LRRFIP1: variants seen among roughly 807,000 people sequenced by gnomAD.
LRRFIP1 encodes the protein LRR binding FLII interacting protein 1, also known as leucine-rich repeat flightless-interacting protein 1.
Under a neutral mutation model 104.4 loss-of-function variants are expected in LRRFIP1, and 62 were observed. The observed-to-expected ratio is 0.59, with a 90% CI of 0.48 to 0.73. The LOEUF (loss-of-function observed/expected upper bound fraction) is 0.73. Ranked by LOEUF, LRRFIP1 falls within the 30% of genes least tolerant of loss-of-function variation. The pLI, the probability that LRRFIP1 is intolerant of heterozygous loss-of-function variation, is 0.00. For missense variants in LRRFIP1, 796 were observed against 824.5 expected (o/e 0.97, Z 0.42); for synonymous variants, 300 against 299.0 (o/e 1.00, Z -0.03).
intron 1 of LRRFIP1, among the ~76,000 whole-genome samples, chr2:237,655,399 T>G (rs1246569548): frequency 6.6e-6 from 1 of 151,850 alleles, no homozygotes; most frequent in East Asian, 1.9e-4. Flanking sequence ...CATGAGCCAC[T>G]GCACCCAGCC....
At chr2:237,730,625 T>G (rs6724129) in intron 8 of LRRFIP1, among the ~76,000 whole-genome samples, 19,215 of 152,026 alleles carry the variant, frequency 0.13, 2,785 homozygotes, top group African/African-American at 0.36. Flanking sequence ...TGAACCTTAA[T>G]AAATAGGAAG....
chr2:237,717,880 T>C lies in LRRFIP1; in HGVS notation c.249+71T>C, dbSNP rs1487925641. 5.3e-6 allele frequency: 6 copies of C among 1,139,086 alleles called. No homozygotes were observed. The East Asian group carries it at 1.2e-4, about 22-fold the overall frequency. The allele number at this position is 1,139,086 out of a possible 1,614,324, so 70.6% of individuals were successfully genotyped here. A position where few individuals can be genotyped will look rare whatever the true frequency, so the allele number is the denominator to read the frequency against. On this transcript the variant is annotated intron_variant, in intron 4 of 23. Transcript: ENST00000308482. The surrounding 1 kb of genome is among the most constrained non-coding windows in gnomAD (Gnocchi z 4.2). ...GAATACAGTGTTGAGACTTAAATGG[T>C]TTATAATGTAATTCTTACGCAGTTT... is the stretch of plus-strand genomic sequence containing the variant.
intron 11 of LRRFIP1, among the ~76,000 whole-genome samples, chr2:237,746,279 G>A (rs992351201): frequency 6.6e-6 from 1 of 152,032 alleles, no homozygotes; most frequent in South Asian, 2.1e-4. Flanking sequence ...GGTTGGTCTC[G>A]AACTCCTGAC....
chr2:237,669,796 T>C (rs2090052347), intron 1 of LRRFIP1, among the ~76,000 whole-genome samples: 1 of 149,912 alleles, frequency 6.7e-6, no homozygotes, highest in Admixed American at 6.6e-5. Flanking sequence ...ATGGACCGGC[T>C]GTTCCATGAG....
chr2:237,633,908 T>C (rs1372130103), intron 1 of LRRFIP1, among the ~76,000 whole-genome samples: 1 of 152,204 alleles, frequency 6.6e-6, no homozygotes, highest in African/African-American at 2.4e-5. Context: ...CCCACTGACC[T>C]GTGAACCACC....
chr2:237,690,736 C>CAAAA (rs66463256), intron 1 of LRRFIP1, among the ~76,000 whole-genome samples: 29 of 116,452 alleles, frequency 2.5e-4, no homozygotes, highest in African/African-American at 6.2e-4. Flanking sequence ...GACTCCATCT[C>CAAAA]AAAAAAAAAA....
Position 237,781,248 on chromosome 2 carries a change from G to A in LRRFIP1, c.*1716G>A, listed in dbSNP as rs1361000377. Among the ~76,000 whole-genome samples, 2 of 152,210 alleles carry A rather than the reference G, an allele frequency of 1.3e-5. No individual in the cohort carries two copies. The highest frequency in any genetic ancestry group is 2.9e-5 in the Non-Finnish European group (2 of 68,042). Reference sequence around the variant, plus strand: ...AACACTCACACATCACGCAGACACGGCCGGCAGCATGCTGACGCTTTTAGG... The same window carrying A: ...AACACTCACACATCACGCAGACACGACCGGCAGCATGCTGACGCTTTTAGG... On this transcript the variant is annotated 3_prime_UTR_variant, in exon 24 of 24. Coordinates refer to ENST00000308482, the MANE Select transcript of LRRFIP1 (RefSeq NM_001137550.2).
chr2:237,769,655 TG>T (rs2060456538), intron 19 of LRRFIP1: 1 of 372,218 alleles, frequency 2.7e-6, no homozygotes. Flanking sequence ...CAGCGTGGTT[TG>T]GCCCTAGCGT....
chr2:237,661,299 A>G lies in LRRFIP1; in HGVS notation c.96+33559A>G, dbSNP rs1459006302. Among the ~76,000 whole-genome samples the G allele has an allele frequency of 6.6e-6, 1 of 152,112 alleles. No individual in the cohort carries two copies. Among genetic ancestry groups the G allele is most frequent in the Non-Finnish European group, 1.5e-5 (1 of 68,020 alleles). ...CTGGCTGCTGCTAATTCTGGAGGAC[A>G]CAGTGGGGTGGGCCACATAATGGAG... is the stretch of plus-strand genomic sequence containing the variant. On this transcript the variant is annotated intron_variant, in intron 1 of 23. Coordinates refer to ENST00000308482, the MANE Select transcript of LRRFIP1 (RefSeq NM_001137550.2). The surrounding 1 kb of genome is among the most constrained non-coding windows in gnomAD (Gnocchi z 4.4).
chr2:237,779,563 G>T lies in LRRFIP1; in HGVS notation c.*31G>T. The T allele has an allele frequency of 6.4e-7, 1 of 1,553,608 alleles. No individual in the cohort carries two copies. On this transcript the variant is annotated 3_prime_UTR_variant, in exon 24 of 24. Transcript: ENST00000308482. ...AGCTCTGATCAGGCAACTGGTTGGT[G>T]ACTGGAGAGCATTGTTTCATAGGCT...
At chr2:237,648,708 C>A (rs1280633049) in intron 1 of LRRFIP1, among the ~76,000 whole-genome samples, 3 of 150,914 alleles carry the variant, frequency 2.0e-5, no homozygotes, top group African/African-American at 7.3e-5. Context: ...ACTATCCCCA[C>A]CCACCCCCAG....
intron 14 of LRRFIP1, 29 bp downstream of exon 14, chr2:237,751,300 G>A (rs766805068): frequency 2.7e-5 from 41 of 1,519,544 alleles, no homozygotes; most frequent in African/African-American, 4.2e-5. Flanking sequence ...GTGGTCTCAC[G>A]ATATTAACCC....
chr2:237,745,369 C>T (rs1046404995), intron 11 of LRRFIP1, among the ~76,000 whole-genome samples: 3 of 152,186 alleles, frequency 2.0e-5, no homozygotes, highest in African/African-American at 7.2e-5. Context: ...TCAACAAGAG[C>T]TTAATTTTTA....
chr2:237,764,940 G>A lies in LRRFIP1; in HGVS notation c.1459+4735G>A, dbSNP rs1053696718. Reference sequence around the variant, plus strand: ...TATATGTCAAATTACATTTCCTACTGCAGTATTTGAGCAGGGACAGTCATT... The same window carrying A: ...TATATGTCAAATTACATTTCCTACTACAGTATTTGAGCAGGGACAGTCATT... On this transcript the variant is annotated intron_variant, in intron 19 of 23. Coordinates refer to ENST00000308482, the MANE Select transcript of LRRFIP1 (RefSeq NM_001137550.2). The A allele has an allele frequency of 1.5e-5, 15 of 985,268 alleles. No individual in the cohort carries two copies. The African/African-American group carries it at 2.3e-4, about 15-fold the overall frequency. 61.0% of individuals were successfully genotyped at this position (985,268 alleles called of 1,614,324 possible).
At chr2:237,674,210 A>G (rs2090792964) in intron 1 of LRRFIP1, among the ~76,000 whole-genome samples, 2 of 152,154 alleles carry the variant, frequency 1.3e-5, no homozygotes, top group Non-Finnish European at 2.9e-5. Flanking sequence ...AGGATTGGAA[A>G]TATGAACTGG....
At position 237,717,852 on chromosome 2, in the gene LRRFIP1, CTT is replaced by C; in HGVS notation, c.249+44_249+45del. 1 of 1,419,128 alleles carries C rather than the reference CTT, an allele frequency of 7.0e-7. No individual in the cohort carries two copies. Among genetic ancestry groups the C allele is most frequent in the South Asian group, 1.1e-5 (1 of 87,014 alleles). The allele number at this position is 1,419,128 out of a possible 1,614,324, so 87.9% of individuals were successfully genotyped here. ...TTTTGTTTTTACTCTTCCCTCCCCA[CTT>C]GAATACAGTGTTGAGACTTAAATGG... is the stretch of plus-strand genomic sequence containing the variant. On this transcript the variant is annotated intron_variant, in intron 4 of 23. Coordinates refer to ENST00000308482, the MANE Select transcript of LRRFIP1 (RefSeq NM_001137550.2). The surrounding 1 kb of genome is among the most constrained non-coding windows in gnomAD (Gnocchi z 4.2).
rs55714669 is a variant in LRRFIP1, at chr2:237,780,664, C to T, written c.*1132C>T. Among the ~76,000 whole-genome samples, 141 of 152,264 alleles carry T rather than the reference C, an allele frequency of 9.3e-4. No homozygotes were observed. The highest frequency in any genetic ancestry group is 1.4e-3 in the Non-Finnish European group (94 of 68,024). Reference sequence around the variant, plus strand: ...CAAGTGGAAACTGAGTCAGTATCATCCAAAACCATATCTAGTCTTAACACA... The same window carrying T: ...CAAGTGGAAACTGAGTCAGTATCATTCAAAACCATATCTAGTCTTAACACA... On this transcript the variant is annotated 3_prime_UTR_variant, in exon 24 of 24. Coordinates refer to ENST00000308482, the MANE Select transcript of LRRFIP1 (RefSeq NM_001137550.2).
chr2:237,674,633 T>C (rs1026025475), intron 1 of LRRFIP1, among the ~76,000 whole-genome samples: 1 of 152,254 alleles, frequency 6.6e-6, no homozygotes, highest in African/African-American at 2.4e-5. Context: ...GGTCCAAGAA[T>C]TCCCCCAGGG....
intron 11 of LRRFIP1, among the ~76,000 whole-genome samples, chr2:237,744,104 G>T (rs1014412125): frequency 2.0e-5 from 3 of 152,220 alleles, no homozygotes; most frequent in Admixed American, 6.5e-5. Context: ...GGAAAAACGG[G>T]TCTTGAATTA....
Sources: allele counts gnomAD v4.1 joint callset (sites outside exome capture counted in the v4.1 genomes callset), GRCh38; gene constraint gnomAD v4.1.1; non-coding constraint Gnocchi (gnomAD v3.1); transcripts MANE v1.5; gene names NCBI Gene and HGNC (gene_info 2026-07-23, HGNC 2026-07-21).